KLHL1: variants seen among roughly 807,000 people sequenced by gnomAD.
KLHL1 encodes kelch-like protein 1.
In KLHL1, 47 loss-of-function variants were observed where a neutral mutation model predicts 77.7. The ratio of observed to expected loss-of-function variants is 0.60; its 90% CI spans 0.48 to 0.77. KLHL1 has a LOEUF of 0.77. Ranked by LOEUF, KLHL1 falls within the 30% of genes least tolerant of loss-of-function variation. The pLI, the probability that KLHL1 is intolerant of heterozygous loss-of-function variation, is 0.00. For missense variants in KLHL1, 925 were observed against 910.8 expected (o/e 1.02, Z -0.20); for synonymous variants, 360 against 325.2 (o/e 1.11, Z -1.15).
chr13:69,956,582 ACC>A (rs1883894659), intron 3 of KLHL1, among the ~76,000 whole-genome samples: 1 of 151,432 alleles, frequency 6.6e-6, no homozygotes, highest in Non-Finnish European at 1.5e-5. Context: ...CATAACTGAT[ACC>A]CTATAAAAGT....
chr13:69,974,360 T>C (rs1884482327), intron 2 of KLHL1, among the ~76,000 whole-genome samples: 1 of 151,454 alleles, frequency 6.6e-6, no homozygotes. Context: ...AATTTTGATT[T>C]CTCATCCAAT....
intron 5 of KLHL1, among the ~76,000 whole-genome samples, chr13:69,860,854 TA>T (rs528540934): frequency 0.018 from 2,645 of 150,932 alleles, 59 homozygotes; most frequent in Middle Eastern, 0.045. Flanking sequence ...ATTACATATT[TA>T]AAAAAAAACA....
intron 1 of KLHL1, among the ~76,000 whole-genome samples, chr13:70,079,990 G>A (rs1384499764): frequency 1.3e-5 from 2 of 152,180 alleles, no homozygotes; most frequent in African/African-American, 4.8e-5. Flanking sequence ...GAATCCCATA[G>A]TTCTTGATCC....
intron 7 of KLHL1, among the ~76,000 whole-genome samples, chr13:69,783,626 A>AAAAAGAATAAAAAGAAAC: frequency 6.7e-6 from 1 of 148,160 alleles, no homozygotes; most frequent in East Asian, 2.0e-4. Context: ...AGTTTAGAGA[A>AAAAAGAATAAAAAGAAAC]AAAAGAATAA....
At chr13:70,062,881 G>GT (rs1886924334) in intron 1 of KLHL1, among the ~76,000 whole-genome samples, 1 of 152,102 alleles carries the variant, frequency 6.6e-6, no homozygotes, top group South Asian at 2.1e-4. Context: ...AAAATTAAAT[G>GT]TATTTGCCTT....
intron 5 of KLHL1, among the ~76,000 whole-genome samples, chr13:69,857,470 C>A (rs17736182): frequency 0.19 from 28,185 of 151,922 alleles, 2,926 homozygotes; most frequent in East Asian, 0.24. Context: ...AGCAAAAGGT[C>A]TGCCACAGAG....
At chr13:70,040,235 C>A (rs1419440188) in intron 1 of KLHL1, among the ~76,000 whole-genome samples, 1 of 152,092 alleles carries the variant, frequency 6.6e-6, no homozygotes, top group Non-Finnish European at 1.5e-5. Flanking sequence ...TCTCTCCTGT[C>A]TTTCTTCCTA....
chr13:69,842,497 A>G (rs751030597), intron 5 of KLHL1, among the ~76,000 whole-genome samples: 7 of 151,900 alleles, frequency 4.6e-5, no homozygotes, highest in African/African-American at 1.2e-4. Flanking sequence ...ATGAAATACT[A>G]TCTTATCCCA....
intron 8 of KLHL1, among the ~76,000 whole-genome samples, chr13:69,731,948 T>C (rs1176301942): frequency 6.6e-6 from 1 of 152,020 alleles, no homozygotes; most frequent in African/African-American, 2.4e-5. Flanking sequence ...TTTTTTGACC[T>C]AAAAACATAT....
chr13:69,727,844 C>T (rs1252474567), intron 8 of KLHL1, among the ~76,000 whole-genome samples: 1 of 151,668 alleles, frequency 6.6e-6, no homozygotes, highest in African/African-American at 2.4e-5. Flanking sequence ...GAAAACACAT[C>T]ACTGCTCTTT....
chr13:69,869,181 G>T, intron 5 of KLHL1, among the ~76,000 whole-genome samples: 1 of 152,236 alleles, frequency 6.6e-6, no homozygotes, highest in African/African-American at 2.4e-5. Context: ...ACCTGAGGAA[G>T]TTAAGTGACA....
intron 4 of KLHL1, among the ~76,000 whole-genome samples, chr13:69,905,829 G>A (rs1421041553): frequency 2.6e-5 from 4 of 152,000 alleles, no homozygotes; most frequent in African/African-American, 7.2e-5. Context: ...AGGATCACAC[G>A]ACATACTCTC....
intron 1 of KLHL1, among the ~76,000 whole-genome samples, chr13:69,980,607 C>T (rs1436134832): frequency 6.6e-6 from 1 of 152,162 alleles, no homozygotes; most frequent in Admixed American, 6.5e-5. Flanking sequence ...CCATGGCTGA[C>T]TACTCCTTCA....
chr13:70,105,259 A>C (rs538276249), intron 1 of KLHL1, among the ~76,000 whole-genome samples: 1 of 152,106 alleles, frequency 6.6e-6, no homozygotes, highest in East Asian at 1.9e-4. Context: ...AAACTTGTTA[A>C]GTCTGGTGTT....
At chr13:70,048,853 C>A (rs574432726) in intron 1 of KLHL1, among the ~76,000 whole-genome samples, 1 of 152,274 alleles carries the variant, frequency 6.6e-6, no homozygotes, top group South Asian at 2.1e-4. Context: ...CTGTGGGCTG[C>A]GGGTTGGGGA....
intron 5 of KLHL1, among the ~76,000 whole-genome samples, chr13:69,861,774 C>G (rs531555402): frequency 7.3e-6 from 1 of 136,482 alleles, no homozygotes; most frequent in African/African-American, 2.8e-5. Context: ...ATGGAGAAAC[C>G]CCGTCTCTAC....
intron 1 of KLHL1, among the ~76,000 whole-genome samples, chr13:70,096,880 GA>G (rs2137449271): frequency 6.6e-6 from 1 of 152,006 alleles, no homozygotes; most frequent in African/African-American, 2.4e-5. Flanking sequence ...AAAAAAGGAA[GA>G]AATCGCCAAC....
At chr13:70,020,661 T>C (rs1312145163) in intron 1 of KLHL1, among the ~76,000 whole-genome samples, 1 of 152,054 alleles carries the variant, frequency 6.6e-6, no homozygotes, top group Non-Finnish European at 1.5e-5. Flanking sequence ...ATAACCCAGG[T>C]ACATAAAGGC....
At chr13:69,891,306 G>A (rs1881419162) in intron 4 of KLHL1, among the ~76,000 whole-genome samples, 1 of 151,964 alleles carries the variant, frequency 6.6e-6, no homozygotes, top group Non-Finnish European at 1.5e-5. Context: ...TACAAAATAT[G>A]AGAGTATTAA....
Sources: gnomAD v4.1 joint callset for allele counts (sites outside exome capture counted in the v4.1 genomes callset) on GRCh38, gnomAD v4.1.1 for gene constraint, MANE v1.5 for transcripts, NCBI Gene and HGNC (gene_info 2026-07-23, HGNC 2026-07-21) for gene names.